Variants in TYMS observed in about 807,000 individuals in gnomAD.
The protein encoded by TYMS is thymidylate synthase.
A neutral mutation model predicts 39.3 loss-of-function variants in TYMS; 21 were observed. The ratio of observed to expected loss-of-function variants is 0.54; its 90% CI spans 0.38 to 0.77. The LOEUF (loss-of-function observed/expected upper bound fraction) is 0.77. Ranked by LOEUF, TYMS falls within the 30% of genes least tolerant of loss-of-function variation. The pLI is 0.00. For missense variants in TYMS, 273 were observed against 406.7 expected, an observed-to-expected ratio of 0.67 and a Z score of 2.83; for synonymous variants, 171 against 162.2, an observed-to-expected ratio of 1.05 and a Z score of -0.41.
At chr18:666,746 A>G (rs2074823362) in intron 3 of TYMS, among the ~76,000 whole-genome samples, 1 of 152,262 alleles carries the variant, frequency 6.6e-6, no homozygotes, top group Non-Finnish European at 1.5e-5. Context: ...AGGAAGTTTA[A>G]AAATGCTGTG....
intron 5 of TYMS, 30 bp downstream of exon 5, chr18:670,897 A>G: frequency 1.9e-6 from 3 of 1,611,980 alleles, no homozygotes; most frequent in Non-Finnish European, 2.5e-6. Flanking sequence ...GTGACTTGCC[A>G]GCCTACCACA....
chr18:662,164 G>A lies in TYMS; in HGVS notation c.298G>A (p.Glu100Lys). 5 of 1,611,850 alleles carry A rather than the reference G, an allele frequency of 3.1e-6. No homozygotes were observed. The highest frequency in any genetic ancestry group is 4.2e-6 in the Non-Finnish European group (5 of 1,179,128). Residue 100 changes from glutamate (E) to lysine (K), a missense_variant, in exon 3 of 7, where the codon GAG becomes AAG. By Grantham distance (56) the Glu-to-Lys change is moderately conservative (BLOSUM62 1). This residue lies in a region of TYMS where 228 missense variants were observed against 326.1 expected (regional missense o/e 0.70). Transcript: ENST00000323274. ...CTTCCAGGGATCCACAAATGCTAAA[G>A]AGCTGTCTTCCAAGGGAGTGAAAAT... The part of the protein sequence containing the change: ...WFIKGSTNAK[E>K]LSSKGVKIWD...
rs924164308 is a variant in TYMS, at chr18:673,452, AT to A, written c.*456del. ...GAGTGTGGTTATGAACTTTAAAGTT[AT>A]AGTTGTTTTATATGTTGCTATAATA... On this transcript the variant is annotated 3_prime_UTR_variant, in exon 7 of 7. Transcript: ENST00000323274. 2.2e-4 allele frequency: 45 copies of A among 205,616 alleles called. No homozygotes were observed. The highest frequency in any genetic ancestry group is 1.8e-4 in the Admixed American group (3 of 16,798). The allele number at this position is 205,616 out of a possible 1,614,324, so 12.7% of individuals were successfully genotyped here.
Position 657,722 on chromosome 18 carries a change from C to T in TYMS, c.-21C>T, listed in dbSNP as rs930299743. On this transcript the variant is annotated 5_prime_UTR_variant, in exon 1 of 7. Coordinates refer to ENST00000323274, the MANE Select transcript of TYMS (RefSeq NM_001071.4). ...TCCCGCCGCGCCACTTCGCCTGCCT[C>T]CGTCCCCCGCCCGCCGCGCCATGCC... is the stretch of plus-strand genomic sequence containing the variant. 7 of 1,324,860 alleles carry T rather than the reference C, an allele frequency of 5.3e-6. No homozygotes were observed. Among genetic ancestry groups the T allele is most frequent in the Non-Finnish European group, 6.7e-6 (7 of 1,045,498 alleles). The allele number at this position is 1,324,860 out of a possible 1,614,324, so 82.1% of individuals were successfully genotyped here. A position where few individuals can be genotyped will look rare whatever the true frequency, so the allele number is the denominator to read the frequency against.
chr18:664,450 A>G (rs937875571), intron 3 of TYMS, among the ~76,000 whole-genome samples: 4 of 143,840 alleles, frequency 2.8e-5, no homozygotes, highest in African/African-American at 5.4e-5. Context: ...ATATACAATC[A>G]TGTCGTCTGC....
intron 6 of TYMS, chr18:671,781 TTTTC>T (rs2075063631): frequency 4.2e-6 from 1 of 239,388 alleles, no homozygotes; most frequent in Non-Finnish European, 7.2e-6. Flanking sequence ...ATGTTTTTCC[TTTTC>T]TTTTTTTTTT....
rs1218123230 is a variant in TYMS, at chr18:658,172, A to T, written c.205+225A>T. The T allele has an allele frequency of 6.4e-7, 1 of 1,567,544 alleles. No individual in the cohort carries two copies. The highest frequency in any genetic ancestry group is 8.6e-7 in the Non-Finnish European group (1 of 1,157,270). The stretch of plus-strand genomic sequence containing the variant: ...CACACAGCAGCGACAGCCGGGAGGT[A>T]AGCCGCGTCCCAGCGGCTCCGCGGC... On this transcript the variant is annotated intron_variant, in intron 1 of 6. Coordinates refer to ENST00000323274, the MANE Select transcript of TYMS (RefSeq NM_001071.4). This position sits in a 1 kb window ranked among gnomAD's most constrained non-coding sequence, Gnocchi z 4.5.
At chr18:667,571 A>ATGGTGATGGTGATGGTGATGGT (rs1368458016) in intron 3 of TYMS, 2 of 27,950 alleles carry the variant, frequency 7.2e-5, no homozygotes, top group Non-Finnish European at 1.2e-4. Context: ...ATGGTGATGG[A>ATGGTGATGGTGATGGTGATGGT]GATGGTGATG....
rs2074720382 is a variant in TYMS at position 658,587 on chromosome 18, A to G, written c.205+640A>G. 9.8e-6 allele frequency: 2 copies of G among 204,138 alleles called. No individual in the cohort carries two copies. Among genetic ancestry groups the G allele is most frequent in the Non-Finnish European group, 1.9e-5 (2 of 104,266 alleles). The allele number at this position is 204,138 out of a possible 1,614,324, so 12.6% of individuals were successfully genotyped here. A position where few individuals can be genotyped will look rare whatever the true frequency, so the allele number is the denominator to read the frequency against. ...CTTTCCTTTCCGACAGGAGCACCCC[A>G]GGCAAAAAATGTCTCGCGGGTCATT... is the stretch of plus-strand genomic sequence containing the variant. On this transcript the variant is annotated intron_variant, in intron 1 of 6. Transcript: ENST00000323274. This position sits in a 1 kb window ranked among gnomAD's most constrained non-coding sequence, Gnocchi z 4.5.
rs1212920385 is a variant in TYMS at position 671,633 on chromosome 18, C to T, written c.804+182C>T. 4 of 624,204 alleles carry T rather than the reference C, an allele frequency of 6.4e-6. No homozygotes were observed. In the East Asian group the frequency reaches 8.4e-5, roughly 13 times the overall value. The allele number at this position is 624,204 out of a possible 1,614,324, so 38.7% of individuals were successfully genotyped here. A position where few individuals can be genotyped will look rare whatever the true frequency, so the allele number is the denominator to read the frequency against. ...ACAAGGCAGGCATCTGCCTCAGCAA[C>T]CATGGGCACTTAACATGTCAGGTGC... On this transcript the variant is annotated intron_variant, in intron 6 of 6. Transcript: ENST00000323274.
chr18:668,230 T>G (rs2074894592), intron 3 of TYMS, among the ~76,000 whole-genome samples: 1 of 149,752 alleles, frequency 6.7e-6, no homozygotes, highest in Non-Finnish European at 1.5e-5. Flanking sequence ...AAGGTTCATC[T>G]TTTTAAAATC....
intron 4 of TYMS, 132 bp downstream of exon 4, chr18:669,305 C>T (rs1345915226): frequency 4.3e-5 from 27 of 631,030 alleles, no homozygotes; most frequent in Non-Finnish European, 6.6e-5. Flanking sequence ...GATTGTGTGA[C>T]GTTGGGCAAG....
At chr18:669,390 T>TTTTTTTTTCA (rs2074937286) in intron 4 of TYMS, 1 of 419,526 alleles carries the variant, frequency 2.4e-6, no homozygotes. Context: ...TTTTTTTTTT[T>TTTTTTTTTCA]GAGACAGAGT....
rs1223749227 is a variant in TYMS at position 660,427 on chromosome 18, CCT to C, written c.279+714_279+715del. On this transcript the variant is annotated intron_variant, in intron 2 of 6. Coordinates refer to ENST00000323274, the MANE Select transcript of TYMS (RefSeq NM_001071.4). The surrounding 1 kb of genome is among the most constrained non-coding windows in gnomAD (Gnocchi z 4.6). ...TGATGTATGTCAGCCTTTCCCTTCCCCTGTTAGAAGGGGGACAGCAGGTAGTA... is the reference window on the plus strand; with the variant it reads ...TGATGTATGTCAGCCTTTCCCTTCCCGTTAGAAGGGGGACAGCAGGTAGTA... Among the ~76,000 whole-genome samples, 2 of 149,820 alleles carry C rather than the reference CCT, an allele frequency of 1.3e-5. No homozygotes were observed. The highest frequency in any genetic ancestry group is 2.4e-5 in the African/African-American group (1 of 41,120).
chr18:667,280 G>GA lies in TYMS; in HGVS notation c.455-1792_455-1791insA, dbSNP rs1343948274. 5.3e-3 allele frequency among the ~76,000 whole-genome samples: 58 copies of GA among 10,844 alleles called. 2 individuals carry two copies. Among genetic ancestry groups the GA allele is most frequent in the Non-Finnish European group, 7.3e-3 (45 of 6,194 alleles). The allele number at this position is 10,844 out of a possible 152,430, so 7.1% of individuals were successfully genotyped here. The stretch of plus-strand genomic sequence containing the variant: ...GGTGATGGAGATGGTGATGGTGATG[G>GA]GATGGTGATGGAGATGGTGATGGTG... On this transcript the variant is annotated intron_variant, in intron 3 of 6. Transcript: ENST00000323274.
rs1024524280 is a variant in TYMS at position 657,683 on chromosome 18, T to C, written c.-60T>C. ...GCCTGCCTCCGTCCCGCCGCGCCAC[T>C]TGGCCTGCCTCCGTCCCGCCGCGCC... is the stretch of plus-strand genomic sequence containing the variant. On this transcript the variant is annotated 5_prime_UTR_variant, in exon 1 of 7. Transcript: ENST00000323274. 277 of 1,210,790 alleles carry C rather than the reference T, an allele frequency of 2.3e-4. 3 individuals carry two copies. The highest frequency in any genetic ancestry group is 2.7e-4 in the Non-Finnish European group (257 of 946,300). The allele number at this position is 1,210,790 out of a possible 1,614,324, so 75.0% of individuals were successfully genotyped here.
intron 6 of TYMS, 191 bp from the exon 7 acceptor site, chr18:672,669 G>C (rs1010357412): frequency 1.5e-5 from 7 of 479,208 alleles, no homozygotes; most frequent in African/African-American, 1.9e-5. Context: ...CCTCACTCTC[G>C]ATCTGTGCAA....
Position 658,143 on chromosome 18 carries a change from A to AAC in TYMS, c.205+204_205+205dup, listed in dbSNP as rs2074711229. 14 of 1,586,372 alleles carry AAC rather than the reference A, an allele frequency of 8.8e-6. No homozygotes were observed. Among genetic ancestry groups the AAC allele is most frequent in the Non-Finnish European group, 1.1e-5 (13 of 1,169,378 alleles). ...CATTAGGGACGTGACTGGCGCGGGC[A>AAC]ACACACACAGCAGCGACAGCCGGGA... On this transcript the variant is annotated intron_variant, in intron 1 of 6. Coordinates refer to ENST00000323274, the MANE Select transcript of TYMS (RefSeq NM_001071.4). This position sits in a 1 kb window ranked among gnomAD's most constrained non-coding sequence, Gnocchi z 4.5.
rs2074743184 is a variant in TYMS, at chr18:660,232, T to C, written c.279+518T>C. ...GCACCAGCCCTGCTGTTCTTGTGAG[T>C]TTTTGAGCACACCGGGACATCCCCA... On this transcript the variant is annotated intron_variant, in intron 2 of 6. Coordinates refer to ENST00000323274, the MANE Select transcript of TYMS (RefSeq NM_001071.4). The surrounding 1 kb of genome is among the most constrained non-coding windows in gnomAD (Gnocchi z 4.6). 6.6e-6 allele frequency among the ~76,000 whole-genome samples: 1 copy of C among 152,040 alleles called. No individual in the cohort carries two copies. The highest frequency in any genetic ancestry group is 1.5e-5 in the Non-Finnish European group (1 of 68,006).
Sources: gnomAD v4.1 joint callset for allele counts (sites outside exome capture counted in the v4.1 genomes callset) on GRCh38, gnomAD v4.1.1 for gene constraint, gnomAD v4.1.1 regional missense constraint, Gnocchi (gnomAD v3.1) non-coding constraint, MANE v1.5 for transcripts, NCBI Gene and HGNC (gene_info 2026-07-23, HGNC 2026-07-21) for gene names.